The following SEC61A2 variants were observed in gnomAD, a reference collection of about 807,000 sequenced individuals.
The protein encoded by SEC61A2 is SEC61 translocon subunit alpha 2.
Under a neutral mutation model 59.9 loss-of-function variants are expected in SEC61A2, and 28 were observed. The observed-to-expected ratio is 0.47, with a 90% CI of 0.35 to 0.64. The LOEUF is 0.64. Ranked by LOEUF, SEC61A2 falls within the 30% of genes least tolerant of loss-of-function variation. SEC61A2 has a pLI of 0.01. For missense variants in SEC61A2, 340 were observed against 585.9 expected, an observed-to-expected ratio of 0.58 and a Z score of 4.33; for synonymous variants, 202 against 214.4, an observed-to-expected ratio of 0.94 and a Z score of 0.50.
chr10:12,134,464 A>T (rs989919607), intron 2 of SEC61A2, among the ~76,000 whole-genome samples: 1 of 152,218 alleles, frequency 6.6e-6, no homozygotes, highest in African/African-American at 2.4e-5. Context: ...AATCGCGTGC[A>T]CATTGGATCC....
Position 12,164,913 on chromosome 10 carries a change from T to C in SEC61A2, c.*459T>C, listed in dbSNP as rs1834629069. The C allele has an allele frequency of 5.1e-6, 5 of 978,974 alleles. No homozygotes were observed. The highest frequency in any genetic ancestry group is 6.1e-6 in the Non-Finnish European group (5 of 823,940). The allele number at this position is 978,974 out of a possible 1,614,324, so 60.6% of individuals were successfully genotyped here. A position where few individuals can be genotyped will look rare whatever the true frequency, so the allele number is the denominator to read the frequency against. ...TTTAGATAATTACTTTTTATACTTT[T>C]TTAACTCATGGTATCCCCACTCCCC... On this transcript the variant is annotated 3_prime_UTR_variant, in exon 12 of 12. Coordinates refer to ENST00000298428, the MANE Select transcript of SEC61A2 (RefSeq NM_018144.4). The surrounding 1 kb of genome is among the most constrained non-coding windows in gnomAD (Gnocchi z 7.3).
In SEC61A2 at chr10:12,153,069, A is replaced by G. The variant is rs1834316962; in HGVS notation, c.463-2709A>G. ...GTGAGACTCTGTCTCAAAAAAAAAA[A>G]AAAAGATTAACTTTGTCTTTGTCTT... On this transcript the variant is annotated intron_variant, in intron 6 of 11. Coordinates refer to ENST00000298428, the MANE Select transcript of SEC61A2 (RefSeq NM_018144.4). This position sits in a 1 kb window ranked among gnomAD's most constrained non-coding sequence, Gnocchi z 5.2. Among the ~76,000 whole-genome samples, 1 of 152,122 alleles carries G rather than the reference A, an allele frequency of 6.6e-6. No homozygotes were observed. Among genetic ancestry groups the G allele is most frequent in the Non-Finnish European group, 1.5e-5 (1 of 68,018 alleles).
chr10:12,133,202 T>G (rs1833803897), intron 1 of SEC61A2, 39 bp from the exon 2 acceptor site: 1 of 1,026,164 alleles, frequency 9.7e-7, no homozygotes, highest in African/African-American at 1.6e-5. Flanking sequence ...TTTTTTAACT[T>G]CATAATAATA....
rs1359417589 is a variant in SEC61A2, at chr10:12,143,047, G to A, written c.142-70G>A. 1 of 1,207,602 alleles carries A rather than the reference G, an allele frequency of 8.3e-7. No homozygotes were observed. The highest frequency in any genetic ancestry group is 1.7e-5 in the Admixed American group (1 of 59,192). The allele number at this position is 1,207,602 out of a possible 1,614,324, so 74.8% of individuals were successfully genotyped here. A position where few individuals can be genotyped will look rare whatever the true frequency, so the allele number is the denominator to read the frequency against. The stretch of plus-strand genomic sequence containing the variant: ...AGCTCACTGCAGCCTTTGCCTCCTG[G>A]GTTCAAGCGATTCTTATGCCTCAGC... On this transcript the variant is annotated intron_variant, in intron 3 of 11. Coordinates refer to ENST00000298428, the MANE Select transcript of SEC61A2 (RefSeq NM_018144.4). This position sits in a 1 kb window ranked among gnomAD's most constrained non-coding sequence, Gnocchi z 4.8.
rs778984060 is a variant in SEC61A2, at chr10:12,155,752, G to A, written c.463-26G>A. On this transcript the variant is annotated intron_variant, in intron 6 of 11. Transcript: ENST00000298428. The surrounding 1 kb of genome is among the most constrained non-coding windows in gnomAD (Gnocchi z 4.3). ...CTTTCTTGAGTTTGTTCTTGCTTCCGCTTACTTGCATTTCTTTCCCCACAG... is the reference window on the plus strand; with the variant it reads ...CTTTCTTGAGTTTGTTCTTGCTTCCACTTACTTGCATTTCTTTCCCCACAG... 9.9e-6 allele frequency: 16 copies of A among 1,613,386 alleles called. No homozygotes were observed. In the Middle Eastern group the frequency reaches 8.2e-4, roughly 83 times the overall value.
intron 4 of SEC61A2, among the ~76,000 whole-genome samples, chr10:12,147,201 A>G (rs1834160188): frequency 6.6e-6 from 1 of 152,152 alleles, no homozygotes; most frequent in Middle Eastern, 3.2e-3. Context: ...TAATAGTTTT[A>G]TTTTAACCAT....
chr10:12,142,619 T>C lies in SEC61A2; in HGVS notation c.142-498T>C. On this transcript the variant is annotated intron_variant, in intron 3 of 11. Coordinates refer to ENST00000298428, the MANE Select transcript of SEC61A2 (RefSeq NM_018144.4). This position sits in a 1 kb window ranked among gnomAD's most constrained non-coding sequence, Gnocchi z 5.4. The stretch of plus-strand genomic sequence containing the variant: ...AGTGTTTTTTAAATTGTGGTAAAAG[T>C]ATAGAAAATATGCCATCTTCATCAT... The C allele has an allele frequency of 2.0e-6, 1 of 497,354 alleles. No individual in the cohort carries two copies. The highest frequency in any genetic ancestry group is 2.6e-6 in the Non-Finnish European group (1 of 383,836). The allele number at this position is 497,354 out of a possible 1,614,324, so 30.8% of individuals were successfully genotyped here.
chr10:12,153,629 T>A lies in SEC61A2; in HGVS notation c.463-2149T>A. On this transcript the variant is annotated intron_variant, in intron 6 of 11. Coordinates refer to ENST00000298428, the MANE Select transcript of SEC61A2 (RefSeq NM_018144.4). The surrounding 1 kb of genome is among the most constrained non-coding windows in gnomAD (Gnocchi z 5.2). ...TGTACACTGATTCATTTACATGAAT[T>A]CTGATACACAAATATGCGTGTTATG... The A allele has an allele frequency of 8.2e-7, 1 of 1,213,496 alleles. No individual in the cohort carries two copies. Among genetic ancestry groups the A allele is most frequent in the Non-Finnish European group, 1.1e-6 (1 of 877,814 alleles). The allele number at this position is 1,213,496 out of a possible 1,614,324, so 75.2% of individuals were successfully genotyped here.
chr10:12,137,301 A>G (rs779841854), intron 3 of SEC61A2, among the ~76,000 whole-genome samples: 6 of 151,998 alleles, frequency 3.9e-5, no homozygotes, highest in Non-Finnish European at 8.8e-5. Context: ...AAATTTGATG[A>G]TAGTGTTTTT....
chr10:12,143,372 C>A lies in SEC61A2; in HGVS notation c.220+177C>A, dbSNP rs1306196110. Among the ~76,000 whole-genome samples, 1 of 152,102 alleles carries A rather than the reference C, an allele frequency of 6.6e-6. No individual in the cohort carries two copies. The highest frequency in any genetic ancestry group is 1.9e-4 in the East Asian group (1 of 5,190). The stretch of plus-strand genomic sequence containing the variant: ...TAATGTAATCATAGAGAAATCTGTT[C>A]TTGGGTTTTCATGGACTGGAAAACC... On this transcript the variant is annotated intron_variant, in intron 4 of 11. Coordinates refer to ENST00000298428, the MANE Select transcript of SEC61A2 (RefSeq NM_018144.4). This position sits in a 1 kb window ranked among gnomAD's most constrained non-coding sequence, Gnocchi z 4.8.
At position 12,165,378 on chromosome 10, in the gene SEC61A2, T is replaced by G; in HGVS notation, c.*924T>G. ...ATTTAAGAAAACTGATTCAGTTGTG[T>G]TGGAAAAAATAAAGAAATCTGATAT... On this transcript the variant is annotated 3_prime_UTR_variant, in exon 12 of 12. Transcript: ENST00000298428. The G allele has an allele frequency of 1.0e-6, 1 of 969,970 alleles. No homozygotes were observed. Among genetic ancestry groups the G allele is most frequent in the Non-Finnish European group, 1.2e-6 (1 of 815,958 alleles). 60.1% of individuals were successfully genotyped at this position (969,970 alleles called of 1,614,324 possible). A position where few individuals can be genotyped will look rare whatever the true frequency, so the allele number is the denominator to read the frequency against.
chr10:12,132,192 A>G (rs1007993356), intron 1 of SEC61A2, among the ~76,000 whole-genome samples: 1 of 151,472 alleles, frequency 6.6e-6, no homozygotes, highest in African/African-American at 2.4e-5. Context: ...TCCCAGCTAT[A>G]TACGAGGCTG....
chr10:12,155,385 T>C lies in SEC61A2; in HGVS notation c.463-393T>C. ...TCTTGCTATTATACCAGAATTCATCTGACTTTTTACTTCCTTGGAGGTATT... is the reference window on the plus strand; with the variant it reads ...TCTTGCTATTATACCAGAATTCATCCGACTTTTTACTTCCTTGGAGGTATT... On this transcript the variant is annotated intron_variant, in intron 6 of 11. Coordinates refer to ENST00000298428, the MANE Select transcript of SEC61A2 (RefSeq NM_018144.4). The surrounding 1 kb of genome is among the most constrained non-coding windows in gnomAD (Gnocchi z 4.3). 6.5e-7 allele frequency: 1 copy of C among 1,539,920 alleles called. No homozygotes were observed. Among genetic ancestry groups the C allele is most frequent in the Non-Finnish European group, 8.7e-7 (1 of 1,143,612 alleles).
chr10:12,135,119 A>G (rs1450224934), intron 2 of SEC61A2, among the ~76,000 whole-genome samples: 1 of 108,296 alleles, frequency 9.2e-6, no homozygotes, highest in Non-Finnish European at 1.8e-5. Context: ...ACGTGGATAC[A>G]GGGAGGGGGA....
rs768391066 is a variant in SEC61A2 at position 12,133,279 on chromosome 10, C to T, written c.46C>T (p.Leu16=). Residue 16 remains leucine, a synonymous_variant, in exon 2 of 12, where the codon CTA becomes TTA. Coordinates refer to ENST00000298428, the MANE Select transcript of SEC61A2 (RefSeq NM_018144.4). The part of the protein sequence containing the change: ...LEVIKPFCAV[L]PEIQKPERKI... ...AGTTATCAAACCATTCTGTGCAGTT[C>T]TACCAGAAATTCAGAAACCGGAAAG... 1.3e-6 allele frequency: 2 copies of T among 1,561,682 alleles called. No homozygotes were observed. Among genetic ancestry groups the T allele is most frequent in the Admixed American group, 3.4e-5 (2 of 58,910 alleles).
Position 12,162,210 on chromosome 10 carries a change from C to T in SEC61A2, c.1168-3C>T. 6.2e-7 allele frequency: 1 copy of T among 1,612,590 alleles called. No individual in the cohort carries two copies. The highest frequency in any genetic ancestry group is 8.5e-7 in the Non-Finnish European group (1 of 1,179,118). ...ATTTTGAAAGTCGTTTTTCTCTCGG[C>T]AGGTAGCTAAACAGCTGAAAGAACA... is the stretch of plus-strand genomic sequence containing the variant. On this transcript the variant is annotated splice_region_variant and splice_polypyrimidine_tract_variant and intron_variant, in intron 10 of 11. Transcript: ENST00000298428. The surrounding 1 kb of genome is among the most constrained non-coding windows in gnomAD (Gnocchi z 6.1).
Position 12,149,097 on chromosome 10 carries a change from GGTTTGTTTTTGAGATGGAGTCTCACTCT to G in SEC61A2, c.221-494_221-467del, listed in dbSNP as rs1834218051. Among the ~76,000 whole-genome samples, 1 of 150,192 alleles carries G rather than the reference GGTTTGTTTTTGAGATGGAGTCTCACTCT, an allele frequency of 6.7e-6. No homozygotes were observed. Among genetic ancestry groups the G allele is most frequent in the South Asian group, 2.1e-4 (1 of 4,750 alleles). ...TTCTCCCTATAAATTCTTTTTTTTT[GGTTTGTTTTTGAGATGGAGTCTCACTCT>G]GTTGCCCGGGCTGGAGTGCAGTGGC... is the stretch of plus-strand genomic sequence containing the variant. On this transcript the variant is annotated intron_variant, in intron 4 of 11. Transcript: ENST00000298428. The surrounding 1 kb of genome is among the most constrained non-coding windows in gnomAD (Gnocchi z 5.2).
chr10:12,138,562 A>C (rs148501052), intron 3 of SEC61A2, among the ~76,000 whole-genome samples: 1 of 152,192 alleles, frequency 6.6e-6, no homozygotes, highest in Non-Finnish European at 1.5e-5. Context: ...GCTACCACTC[A>C]TCTGCATCCT....
intron 3 of SEC61A2, among the ~76,000 whole-genome samples, chr10:12,139,479 G>A (rs546198931): frequency 8.6e-4 from 129 of 150,564 alleles, no homozygotes; most frequent in African/African-American, 2.9e-3. Context: ...GAGAAACCCC[G>A]TCTCTACTAA....
Sources: gnomAD v4.1 joint callset for allele counts (sites outside exome capture counted in the v4.1 genomes callset) on GRCh38, gnomAD v4.1.1 for gene constraint, Gnocchi (gnomAD v3.1) non-coding constraint, MANE v1.5 for transcripts, NCBI Gene and HGNC (gene_info 2026-07-23, HGNC 2026-07-21) for gene names.